NELL1: variants seen among roughly 807,000 people sequenced by gnomAD.
The protein encoded by NELL1 is neural EGFL like 1, also known as protein kinase C-binding protein NELL1.
Under a neutral mutation model 107.4 loss-of-function variants are expected in NELL1, and 76 were observed. The observed-to-expected ratio is 0.71, with a 90% CI of 0.59 to 0.86. NELL1 has a LOEUF of 0.86. Ranked by LOEUF, NELL1 falls within the 40% of genes least tolerant of loss-of-function variation. NELL1 has a pLI of 0.00. For synonymous variants in NELL1, 353 were observed against 341.2 expected, an observed-to-expected ratio of 1.03 and a Z score of -0.38; for missense variants, 1,024 against 1,005.5, an observed-to-expected ratio of 1.02 and a Z score of -0.25.
At chr11:21,215,092 T>G (rs1857585533) in intron 13 of NELL1, among the ~76,000 whole-genome samples, 1 of 152,156 alleles carries the variant, frequency 6.6e-6, no homozygotes, top group African/African-American at 2.4e-5. Context: ...AATCTCCACA[T>G]GTCGTGGGAG....
rs1851089742 is a variant in NELL1 at position 20,952,552 on chromosome 11, C to T, written c.1171+5117C>T. 2.6e-5 allele frequency among the ~76,000 whole-genome samples: 4 copies of T among 152,162 alleles called. No individual in the cohort carries two copies. The South Asian group carries it at 8.3e-4, about 32-fold the overall frequency. On this transcript the variant is annotated intron_variant, in intron 11 of 19. Transcript: ENST00000357134. ...AAAAGGCACTTAATGAGAGTGTAAA[C>T]TAGTGCCTAAATAGAGGAACTGGCA...
intron 2 of NELL1, among the ~76,000 whole-genome samples, chr11:20,699,990 G>A (rs1854731200): frequency 6.6e-6 from 1 of 151,904 alleles, no homozygotes; most frequent in South Asian, 2.1e-4. Context: ...GGAGTAAGGT[G>A]GTATCTCATT....
chr11:21,459,668 T>G (rs1274496150), intron 15 of NELL1, among the ~76,000 whole-genome samples: 1 of 152,130 alleles, frequency 6.6e-6, no homozygotes, highest in Non-Finnish European at 1.5e-5. Context: ...ATCATTCCTA[T>G]GATGACAGAA....
At chr11:20,835,787 T>A (rs1848524346) in intron 3 of NELL1, among the ~76,000 whole-genome samples, 1 of 152,160 alleles carries the variant, frequency 6.6e-6, no homozygotes, top group African/African-American at 2.4e-5. Flanking sequence ...TCAAAATAGA[T>A]TATGTACTTT....
intron 4 of NELL1, among the ~76,000 whole-genome samples, chr11:20,874,688 G>A (rs562907071): frequency 6.6e-6 from 1 of 152,270 alleles, no homozygotes; most frequent in Non-Finnish European, 1.5e-5. Context: ...ACCCTTCAGA[G>A]ACTGGAAGTT....
At chr11:21,092,501 A>T (rs1453939974) in intron 12 of NELL1, among the ~76,000 whole-genome samples, 1 of 152,026 alleles carries the variant, frequency 6.6e-6, no homozygotes. Flanking sequence ...GCACGTGGGA[A>T]ATGTGCAGAA....
chr11:20,864,185 T>G (rs1849052240), intron 4 of NELL1, among the ~76,000 whole-genome samples: 1 of 152,268 alleles, frequency 6.6e-6, no homozygotes, highest in South Asian at 2.1e-4. Context: ...TTAAAAAAAT[T>G]TTTTAAATAG....
At chr11:21,155,012 G>T (rs565345178) in intron 13 of NELL1, among the ~76,000 whole-genome samples, 1 of 152,236 alleles carries the variant, frequency 6.6e-6, no homozygotes, top group South Asian at 2.1e-4. Context: ...TCACATGAAA[G>T]GTGAATGCAT....
chr11:21,538,231 A>G (rs1856189360), intron 16 of NELL1, among the ~76,000 whole-genome samples: 1 of 152,150 alleles, frequency 6.6e-6, no homozygotes, highest in African/African-American at 2.4e-5. Context: ...GAATAGTCTC[A>G]TGTCACTCTA....
At chr11:20,778,731 G>A (rs758221088) in intron 2 of NELL1, among the ~76,000 whole-genome samples, 13 of 151,978 alleles carry the variant, frequency 8.6e-5, no homozygotes, top group African/African-American at 2.9e-4. Flanking sequence ...TGTTGTGTGC[G>A]AAACTACCTT....
intron 2 of NELL1, among the ~76,000 whole-genome samples, chr11:20,704,835 G>A (rs1320703761): frequency 6.6e-6 from 1 of 152,118 alleles, no homozygotes; most frequent in East Asian, 1.9e-4. Context: ...AAATCAATAT[G>A]CAAAAATTCA....
intron 3 of NELL1, among the ~76,000 whole-genome samples, chr11:20,817,783 T>A (rs934145673): frequency 9.9e-5 from 15 of 151,914 alleles, no homozygotes; most frequent in Admixed American, 7.9e-4. Context: ...CTCTTTATAC[T>A]GCTTTTGCTT....
intron 12 of NELL1, among the ~76,000 whole-genome samples, chr11:21,102,552 A>G (rs578200735): frequency 3.6e-4 from 55 of 152,280 alleles, no homozygotes; most frequent in African/African-American, 1.1e-3. Context: ...AACAATACCT[A>G]CTTCAAAGGG....
intron 2 of NELL1, among the ~76,000 whole-genome samples, chr11:20,736,375 C>G (rs1855762010): frequency 6.6e-6 from 1 of 152,166 alleles, no homozygotes; most frequent in African/African-American, 2.4e-5. Context: ...GCAGAGCAAC[C>G]TGTCAGTGCA....
intron 4 of NELL1, among the ~76,000 whole-genome samples, chr11:20,862,628 T>TTTTTTTTTTTC (rs869055167): frequency 7.2e-6 from 1 of 138,676 alleles, no homozygotes; most frequent in African/African-American, 2.8e-5. Flanking sequence ...TTTTTTTTTT[T>TTTTTTTTTTTC]ATTGATCATT....
chr11:21,311,723 ATT>A (rs1252913219), intron 14 of NELL1, among the ~76,000 whole-genome samples: 15 of 152,142 alleles, frequency 9.9e-5, no homozygotes, highest in Non-Finnish European at 1.9e-4. Context: ...ATCAGCTAGC[ATT>A]TATTGAGCAC....
chr11:20,756,506 A>C, intron 2 of NELL1, among the ~76,000 whole-genome samples: 1 of 140,082 alleles, frequency 7.1e-6, no homozygotes, highest in African/African-American at 2.7e-5. Context: ...CGCCGGGCTA[A>C]TTTTTTGTAA....
At chr11:21,482,450 G>A (rs1200187985) in intron 15 of NELL1, among the ~76,000 whole-genome samples, 2 of 152,124 alleles carry the variant, frequency 1.3e-5, no homozygotes, top group Non-Finnish European at 2.9e-5. Flanking sequence ...TCCCAAATTT[G>A]GATGCTGGTC....
chr11:21,191,410 A>C (rs560451425), intron 13 of NELL1, among the ~76,000 whole-genome samples: 3 of 151,990 alleles, frequency 2.0e-5, no homozygotes, highest in African/African-American at 7.3e-5. Context: ...TCAAAAAACA[A>C]AACAAAAGAG....
Sources: allele counts gnomAD v4.1 joint callset (sites outside exome capture counted in the v4.1 genomes callset), GRCh38; gene constraint gnomAD v4.1.1; transcripts MANE v1.5; gene names NCBI Gene and HGNC (gene_info 2026-07-23, HGNC 2026-07-21).